The following PRRC2B variants were observed in gnomAD, a reference collection of about 807,000 sequenced individuals.
PRRC2B encodes the protein protein PRRC2B.
Under a neutral mutation model 242.3 loss-of-function variants are expected in PRRC2B, and 68 were observed. The observed-to-expected ratio is 0.28, with a 90% CI of 0.23 to 0.34. The LOEUF (loss-of-function observed/expected upper bound fraction) is 0.34. Ranked by LOEUF, PRRC2B falls within the 10% of genes least tolerant of loss-of-function variation. The pLI, the probability that PRRC2B is intolerant of heterozygous loss-of-function variation, is 1.00. For missense variants in PRRC2B, 2,835 were observed against 2,954.8 expected, an observed-to-expected ratio of 0.96 and a Z score of 0.94; for synonymous variants, 1,228 against 1,173.6, an observed-to-expected ratio of 1.05 and a Z score of -0.95.
At chr9:131,377,208 A>G (rs1166204244) in intron 1 of PRRC2B, among the ~76,000 whole-genome samples, 1 of 151,686 alleles carries the variant, frequency 6.6e-6, no homozygotes, top group East Asian at 1.9e-4. Flanking sequence ...TCCGCCTCCC[A>G]GGTTCAAGTG....
intron 13 of PRRC2B, among the ~76,000 whole-genome samples, chr9:131,469,791 C>G (rs188744547): frequency 1.1e-3 from 171 of 152,274 alleles, no homozygotes; most frequent in Non-Finnish European, 1.9e-3. Context: ...CAGGCAAGGG[C>G]CTTGATTTTG....
chr9:131,488,216 G>A lies in PRRC2B; in HGVS notation c.6225+120G>A, dbSNP rs990275238. On this transcript the variant is annotated intron_variant, in intron 28 of 31. Transcript: ENST00000683519. ...ATCGTGCTGTTGGTTGGTAGCCACC[G>A]TGCCCATTCCTCAGCGTGCAGGAAA... The A allele has an allele frequency of 1.1e-4, 157 of 1,369,294 alleles. No homozygotes were observed. In the African/African-American group the frequency reaches 1.5e-3, roughly 13 times the overall value. 84.8% of individuals were successfully genotyped at this position (1,369,294 alleles called of 1,614,324 possible).
intron 5 of PRRC2B, among the ~76,000 whole-genome samples, chr9:131,439,280 G>A (rs1169374360): frequency 6.6e-6 from 1 of 152,192 alleles, no homozygotes; most frequent in Admixed American, 6.5e-5. Flanking sequence ...TGCTGAGACA[G>A]AGGAGTGCTG....
intron 1 of PRRC2B, among the ~76,000 whole-genome samples, chr9:131,405,105 C>T (rs1203470678): frequency 6.6e-6 from 1 of 152,184 alleles, no homozygotes; most frequent in Non-Finnish European, 1.5e-5. Context: ...CAATCAAAAG[C>T]TACTGTTTGC....
chr9:131,495,832 G>A lies in PRRC2B; in HGVS notation c.6648G>A (p.Ala2216=), dbSNP rs762701653. 3.2e-4 allele frequency: 522 copies of A among 1,612,234 alleles called. 2 individuals carry two copies. The highest frequency in any genetic ancestry group is 1.4e-3 in the South Asian group (124 of 91,046). The change falls in exon 32 of 32, where the codon GCG becomes GCA. Residue 2216 remains alanine (A), a synonymous_variant. Transcript: ENST00000683519. ...CCTCCCAGATGAAGCGAACCGGAGCGATCAAGCCTCGGGCTGTCAAAGTGG... is the reference window on the plus strand; with the variant it reads ...CCTCCCAGATGAAGCGAACCGGAGCAATCAAGCCTCGGGCTGTCAAAGTGG... ...SAASQMKRTG[A]IKPRAVKVEE...
chr9:131,500,135 T>C lies in PRRC2B; in HGVS notation c.*4261T>C, dbSNP rs1234550401. 6.6e-6 allele frequency: 1 copy of C among 152,238 alleles called. No individual in the cohort carries two copies. Among genetic ancestry groups the C allele is most frequent in the Non-Finnish European group, 1.5e-5 (1 of 68,038 alleles). The allele number at this position is 152,238 out of a possible 1,614,324, so 9.4% of individuals were successfully genotyped here. ...GTTTCTCCTTTCAAATATGTGATTGTACTAGCTCTTTCCATATGAAAGAAT... is the reference window on the plus strand; with the variant it reads ...GTTTCTCCTTTCAAATATGTGATTGCACTAGCTCTTTCCATATGAAAGAAT... On this transcript the variant is annotated 3_prime_UTR_variant, in exon 32 of 32. Coordinates refer to ENST00000683519, the MANE Select transcript of PRRC2B (RefSeq NM_013318.4).
chr9:131,420,537 G>T (rs1389439998), intron 1 of PRRC2B, among the ~76,000 whole-genome samples: 2 of 87,686 alleles, frequency 2.3e-5, no homozygotes, highest in Non-Finnish European at 4.6e-5. Flanking sequence ...CTGTCGCCCA[G>T]GCTGGAGTGC....
intron 14 of PRRC2B, among the ~76,000 whole-genome samples, chr9:131,471,463 CTTTGCAGTACTAATT>C (rs760143250): frequency 9.9e-5 from 15 of 152,092 alleles, no homozygotes; most frequent in Non-Finnish European, 1.8e-4. Context: ...TTAAGATTCT[CTTTGCAGTACTAATT>C]TCTAATGTAG....
Position 131,492,209 on chromosome 9 carries a change from G to A in PRRC2B, c.6422G>A (p.Ser2141Asn). The change falls in exon 30 of 32, where the codon AGT becomes AAT. Residue 2141 changes from serine to asparagine, a missense_variant. By Grantham distance (46) the Ser-to-Asn change is conservative (BLOSUM62 1). Coordinates refer to ENST00000683519, the MANE Select transcript of PRRC2B (RefSeq NM_013318.4). ...MEMKGFHFAD[S>N]KQNVPSGGPV... The stretch of plus-strand genomic sequence containing the variant: ...ATGAAAGGCTTCCACTTTGCCGACA[G>A]TAAACAGAATGTCCCTTCAGGAGGC... 1.2e-6 allele frequency: 2 copies of A among 1,613,938 alleles called. No individual in the cohort carries two copies. The highest frequency in any genetic ancestry group is 1.7e-6 in the Non-Finnish European group (2 of 1,179,868).
At position 131,446,364 on chromosome 9, in the gene PRRC2B, T is replaced by C; in HGVS notation, c.614-37T>C. The C allele has an allele frequency of 6.2e-7, 1 of 1,610,142 alleles. No homozygotes were observed. The highest frequency in any genetic ancestry group is 1.1e-5 in the South Asian group (1 of 90,926). On this transcript the variant is annotated intron_variant, in intron 6 of 31. Transcript: ENST00000683519. The surrounding 1 kb of genome is among the most constrained non-coding windows in gnomAD (Gnocchi z 4.1). ...TCATACGATCCCTCCTTCCCCCTCC[T>C]CTTCCCTCTCCCCTTTTGCCCCCTT... is the stretch of plus-strand genomic sequence containing the variant.
chr9:131,434,895 A>T (rs1017115079), intron 3 of PRRC2B, among the ~76,000 whole-genome samples: 5 of 152,208 alleles, frequency 3.3e-5, no homozygotes, highest in Admixed American at 3.3e-4. Context: ...TTTGGAGGGC[A>T]GCCTGGCAAT....
At chr9:131,492,818 C>G (rs924124175) in intron 30 of PRRC2B, among the ~76,000 whole-genome samples, 1 of 152,220 alleles carries the variant, frequency 6.6e-6, no homozygotes, top group Non-Finnish European at 1.5e-5. Flanking sequence ...TCAGGTGGCT[C>G]TGTCGGATGT....
chr9:131,447,023 T>G, intron 7 of PRRC2B, 62 bp from the exon 8 acceptor site: 1 of 1,604,126 alleles, frequency 6.2e-7, no homozygotes, highest in Non-Finnish European at 8.5e-7. Flanking sequence ...CATTCTGATT[T>G]AAGTGGAAAT....
intron 1 of PRRC2B, among the ~76,000 whole-genome samples, chr9:131,383,356 T>G (rs550569342): frequency 6.6e-6 from 1 of 152,264 alleles, no homozygotes; most frequent in Admixed American, 6.5e-5. Flanking sequence ...GAACAGCTCA[T>G]GACTGCACCA....
At chr9:131,493,926 G>C (rs1330653034) in intron 30 of PRRC2B, among the ~76,000 whole-genome samples, 1 of 152,148 alleles carries the variant, frequency 6.6e-6, no homozygotes, top group Non-Finnish European at 1.5e-5. Flanking sequence ...CTAGTGGTCA[G>C]TGGAACACAT....
At chr9:131,453,825 AATTATATG>A (rs1261475217) in intron 9 of PRRC2B, among the ~76,000 whole-genome samples, 2 of 152,170 alleles carry the variant, frequency 1.3e-5, no homozygotes, top group Non-Finnish European at 2.9e-5. Context: ...AGCCACTGTG[AATTATATG>A]ATTATATGAT....
intron 5 of PRRC2B, among the ~76,000 whole-genome samples, chr9:131,443,019 G>A (rs939340787): frequency 6.6e-6 from 1 of 151,014 alleles, no homozygotes; most frequent in African/African-American, 2.4e-5. Context: ...CGGAAGGACA[G>A]GTGAATGAGG....
At chr9:131,402,249 T>C (rs1588238089) in intron 1 of PRRC2B, among the ~76,000 whole-genome samples, 1 of 152,246 alleles carries the variant, frequency 6.6e-6, no homozygotes, top group Non-Finnish European at 1.5e-5. Context: ...TGTAATCCCA[T>C]GGTGGCAATG....
chr9:131,384,392 C>T (rs999205293), intron 1 of PRRC2B, among the ~76,000 whole-genome samples: 1 of 151,924 alleles, frequency 6.6e-6, no homozygotes, highest in African/African-American at 2.4e-5. Context: ...AAGTGATTCT[C>T]CTGCCTCAGC....
Sources: gnomAD v4.1 joint callset for allele counts (sites outside exome capture counted in the v4.1 genomes callset) on GRCh38, gnomAD v4.1.1 for gene constraint, Gnocchi (gnomAD v3.1) non-coding constraint, MANE v1.5 for transcripts, NCBI Gene and HGNC (gene_info 2026-07-23, HGNC 2026-07-21) for gene names.